The following SYCE2 variants were observed in gnomAD, a reference collection of about 807,000 sequenced individuals.
SYCE2 encodes the protein synaptonemal complex central element protein 2.
SYCE2 carries 3 observed loss-of-function variants against 27.9 expected under a neutral mutation model. That is an observed-to-expected ratio of 0.11 (90% CI 0.05 to 0.28). The LOEUF is 0.28. Ranked by LOEUF, SYCE2 falls within the 10% of genes least tolerant of loss-of-function variation. SYCE2 has a pLI of 1.00. For synonymous variants in SYCE2, 85 were observed against 100.7 expected (o/e 0.84, Z 0.93); for missense variants, 207 against 263.5 (o/e 0.79, Z 1.48).
At chr19:12,906,965 T>C (rs1970945128) in intron 2 of SYCE2, among the ~76,000 whole-genome samples, 1 of 152,198 alleles carries the variant, frequency 6.6e-6, no homozygotes, top group Admixed American at 6.5e-5. Flanking sequence ...GCATTGTGAA[T>C]GAAGTTTATG....
intron 3 of SYCE2, among the ~76,000 whole-genome samples, chr19:12,901,184 A>ATAAAT (rs1970830201): frequency 6.8e-6 from 1 of 147,584 alleles, no homozygotes; most frequent in Admixed American, 6.7e-5. Context: ...AAATAAATAA[A>ATAAAT]TAAATAAATA....
At chr19:12,907,157 C>T (rs1468373582) in intron 2 of SYCE2, among the ~76,000 whole-genome samples, 1 of 152,212 alleles carries the variant, frequency 6.6e-6, no homozygotes, top group Admixed American at 6.6e-5. Context: ...CGGCACTGAG[C>T]TAAGTCACAT....
chr19:12,900,313 A>G, intron 4 of SYCE2, 147 bp downstream of exon 4: 1 of 1,085,908 alleles, frequency 9.2e-7, no homozygotes, highest in Non-Finnish European at 1.3e-6. Flanking sequence ...GATCACAAAC[A>G]AGATGGTGAG....
At chr19:12,904,463 C>T (rs750646352) in intron 3 of SYCE2, 29 bp downstream of exon 3, 8 of 1,612,952 alleles carry the variant, frequency 5.0e-6, no homozygotes, top group Non-Finnish European at 6.8e-6. Flanking sequence ...CATAAGGAAT[C>T]CCCCCTCTCG....
intron 2 of SYCE2, among the ~76,000 whole-genome samples, chr19:12,906,984 G>A (rs1378037729): frequency 6.6e-6 from 1 of 152,184 alleles, no homozygotes; most frequent in Non-Finnish European, 1.5e-5. Context: ...TGGAAAAAAT[G>A]TGATCTGATA....
At chr19:12,904,865 C>T (rs554102532) in intron 2 of SYCE2, 199 bp from the exon 3 acceptor site, 1 of 488,624 alleles carries the variant, frequency 2.0e-6, no homozygotes, top group Non-Finnish European at 3.7e-6. Context: ...ATTAGCCAGG[C>T]ACGGTGGCAC....
intron 2 of SYCE2, among the ~76,000 whole-genome samples, chr19:12,916,998 C>CCTT (rs1971149810): frequency 6.6e-6 from 1 of 151,916 alleles, no homozygotes; most frequent in Non-Finnish European, 1.5e-5. Flanking sequence ...TATCTGCCAG[C>CCTT]GCCAGCCTCC....
intron 3 of SYCE2, 38 bp from the exon 4 acceptor site, chr19:12,900,686 A>T (rs1457212457): frequency 6.4e-7 from 1 of 1,570,308 alleles, no homozygotes. Flanking sequence ...AAAATCAAAC[A>T]AGAGGTATCA....
intron 2 of SYCE2, among the ~76,000 whole-genome samples, chr19:12,908,901 G>A (rs955866457): frequency 6.6e-6 from 1 of 152,174 alleles, no homozygotes; most frequent in African/African-American, 2.4e-5. Flanking sequence ...TCTGCAGTGA[G>A]GCCTCCATGC....
chr19:12,912,032 G>GGTGCAGACTACACCCTACTCATTT lies in SYCE2; in HGVS notation c.131+6189_131+6190insAAATGAGTAGGGTGTAGTCTGCAC, dbSNP rs1971056419. ...GGCTCACTGCAACCTCTGCCTCCCGGGTTCAAGCAATTCTCCTGCCTCAGC... is the reference window on the plus strand; with the variant it reads ...GGCTCACTGCAACCTCTGCCTCCCGGGTGCAGACTACACCCTACTCATTTGTTCAAGCAATTCTCCTGCCTCAGC... On this transcript the variant is annotated intron_variant, in intron 2 of 5. Coordinates refer to ENST00000293695, the MANE Select transcript of SYCE2 (RefSeq NM_001105578.2). 1.1e-4 allele frequency among the ~76,000 whole-genome samples: 16 copies of GGTGCAGACTACACCCTACTCATTT among 151,730 alleles called. 1 individual carries two copies. Among genetic ancestry groups the GGTGCAGACTACACCCTACTCATTT allele is most frequent in the African/African-American group, 3.4e-4 (14 of 41,102 alleles).
At chr19:12,914,296 G>A (rs1428542999) in intron 2 of SYCE2, 1 of 152,214 alleles carries the variant, frequency 6.6e-6, no homozygotes, top group Non-Finnish European at 1.5e-5. Flanking sequence ...GATTCGTAGT[G>A]TTTGCCAATT....
At chr19:12,903,640 C>T (rs1970884338) in intron 3 of SYCE2, among the ~76,000 whole-genome samples, 1 of 152,182 alleles carries the variant, frequency 6.6e-6, no homozygotes, top group Admixed American at 6.5e-5. Flanking sequence ...CTGCCTCAGC[C>T]TCCCAAAGTG....
intron 2 of SYCE2, among the ~76,000 whole-genome samples, chr19:12,906,923 A>T (rs1235873003): frequency 1.3e-5 from 2 of 152,208 alleles, no homozygotes; most frequent in African/African-American, 2.4e-5. Flanking sequence ...TTAAATTAAA[A>T]TAAATTAAAA....
chr19:12,905,355 G>A (rs1306171002), intron 2 of SYCE2, among the ~76,000 whole-genome samples: 4 of 151,274 alleles, frequency 2.6e-5, no homozygotes, highest in Non-Finnish European at 5.9e-5. Flanking sequence ...TTTTTGAGAC[G>A]GAGTCTCACT....
chr19:12,914,942 C>T (rs901670903), intron 2 of SYCE2, among the ~76,000 whole-genome samples: 1 of 152,236 alleles, frequency 6.6e-6, no homozygotes, highest in Non-Finnish European at 1.5e-5. Context: ...GGAACCTGAG[C>T]ATGTCACTTC....
At position 12,918,300 on chromosome 19, in the gene SYCE2, G is replaced by A. The variant is rs770008303; in HGVS notation, c.53C>T (p.Pro18Leu). 12 of 1,614,152 alleles carry A rather than the reference G, an allele frequency of 7.4e-6. 1 individual carries two copies. In the South Asian group the frequency reaches 1.1e-4, roughly 15 times the overall value. ...CTCCTTGCTCTCCCCCAAGGGCTGCGGTTCCTGGTCTTTGCATTTCACATG... is the reference window on the plus strand; with the variant it reads ...CTCCTTGCTCTCCCCCAAGGGCTGCAGTTCCTGGTCTTTGCATTTCACATG... ...VPHVKCKDQEPQPLGESKEHP... is the reference protein window; with the variant it reads ...VPHVKCKDQELQPLGESKEHP... The change falls in exon 2 of 6, where the codon CCG becomes CTG. Residue 18 changes from proline (P) to leucine (L), a missense_variant. Pro to Leu is a moderately conservative substitution (Grantham distance 98). Transcript: ENST00000293695.
In SYCE2 at chr19:12,918,392, C is replaced by G. The variant is rs560492755; in HGVS notation, c.16-55G>C. On this transcript the variant is annotated intron_variant, in intron 1 of 5. Coordinates refer to ENST00000293695, the MANE Select transcript of SYCE2 (RefSeq NM_001105578.2). ...GAGGGAGGATGAGGAGTGAACAGAT[C>G]GCCCTCCTGCCGACCCTTCAACCCT... The G allele has an allele frequency of 6.6e-6, 10 of 1,523,832 alleles. No individual in the cohort carries two copies. In the African/African-American group the frequency reaches 9.6e-5, roughly 15 times the overall value. The allele number at this position is 1,523,832 out of a possible 1,614,324, so 94.4% of individuals were successfully genotyped here.
intron 3 of SYCE2, among the ~76,000 whole-genome samples, chr19:12,901,646 G>A (rs923207772): frequency 6.6e-6 from 1 of 151,876 alleles, no homozygotes; most frequent in African/African-American, 2.4e-5. Context: ...GCGGAGTTTC[G>A]CTCTCATTGC....
At chr19:12,909,727 T>C (rs7409457) in intron 2 of SYCE2, among the ~76,000 whole-genome samples, 105,690 of 150,526 alleles carry the variant, frequency 0.7, 37,322 homozygotes, top group East Asian at 0.85. Context: ...CCACCACACT[T>C]GGCGAATTTT....
Sources: gnomAD v4.1 joint callset for allele counts (sites outside exome capture counted in the v4.1 genomes callset) on GRCh38, gnomAD v4.1.1 for gene constraint, MANE v1.5 for transcripts, NCBI Gene and HGNC (gene_info 2026-07-23, HGNC 2026-07-21) for gene names.